Variants in PPP3CA observed in about 807,000 individuals in gnomAD.
The protein encoded by PPP3CA is CAM-PRP catalytic subunit.
A neutral mutation model predicts 66.5 loss-of-function variants in PPP3CA; 14 were observed. That is an observed-to-expected ratio of 0.21 (90% CI 0.14 to 0.33). PPP3CA has a LOEUF of 0.33. Ranked by LOEUF, PPP3CA falls within the 10% of genes least tolerant of loss-of-function variation. The pLI is 1.00. For synonymous variants in PPP3CA, 232 were observed against 226.2 expected (o/e 1.03, Z -0.23); for missense variants, 317 against 639.5 (o/e 0.50, Z 5.44).
At chr4:101,247,068 A>G (rs1182880873) in intron 1 of PPP3CA, among the ~76,000 whole-genome samples, 1 of 152,216 alleles carries the variant, frequency 6.6e-6, no homozygotes, top group Non-Finnish European at 1.5e-5. Flanking sequence ...AAACTCACTG[A>G]GTAGAAGAGT....
intron 1 of PPP3CA, among the ~76,000 whole-genome samples, chr4:101,210,835 C>G (rs914947320): frequency 1.3e-5 from 2 of 152,034 alleles, no homozygotes; most frequent in African/African-American, 4.8e-5. Context: ...AAGTTCTCTG[C>G]AAAGTTCAAA....
chr4:101,202,615 C>T (rs1437969422), intron 1 of PPP3CA, among the ~76,000 whole-genome samples: 1 of 152,214 alleles, frequency 6.6e-6, no homozygotes, highest in East Asian at 1.9e-4. Flanking sequence ...ACTTACGCTA[C>T]TCCTTCAGAC....
chr4:101,031,855 A>G (rs1726979160), intron 12 of PPP3CA, among the ~76,000 whole-genome samples: 2 of 152,218 alleles, frequency 1.3e-5, no homozygotes, highest in South Asian at 4.1e-4. Context: ...ACATACAGGT[A>G]TATTTTAGTG....
At chr4:101,239,520 G>C (rs899586173) in intron 1 of PPP3CA, among the ~76,000 whole-genome samples, 1 of 152,018 alleles carries the variant, frequency 6.6e-6, no homozygotes, top group African/African-American at 2.4e-5. Context: ...AGGAAATTTA[G>C]TTATCACAAT....
chr4:101,062,879 G>A (rs1255327676), intron 9 of PPP3CA, among the ~76,000 whole-genome samples: 3 of 151,972 alleles, frequency 2.0e-5, no homozygotes, highest in Admixed American at 6.6e-5. Context: ...AAATTAAATA[G>A]TCCTTTGGGA....
chr4:101,113,855 T>C (rs1359352074), intron 2 of PPP3CA, among the ~76,000 whole-genome samples: 2 of 152,134 alleles, frequency 1.3e-5, no homozygotes, highest in Non-Finnish European at 2.9e-5. Flanking sequence ...AATATGCCAA[T>C]GCCAACTGAT....
intron 6 of PPP3CA, among the ~76,000 whole-genome samples, chr4:101,091,992 G>A (rs935014035): frequency 6.6e-6 from 1 of 151,882 alleles, no homozygotes; most frequent in South Asian, 2.1e-4. Context: ...TAAGCTGTAT[G>A]TATAATGATA....
chr4:101,052,605 T>TA (rs910280146), intron 10 of PPP3CA, among the ~76,000 whole-genome samples: 25 of 149,570 alleles, frequency 1.7e-4, no homozygotes, highest in East Asian at 7.8e-4. Context: ...GGGAAAACAA[T>TA]AAAAAAAAAG....
At chr4:101,079,107 G>A (rs1729314531) in intron 8 of PPP3CA, among the ~76,000 whole-genome samples, 1 of 152,168 alleles carries the variant, frequency 6.6e-6, no homozygotes, top group African/African-American at 2.4e-5. Context: ...TCTGGGCTAT[G>A]GGAAAGTGGA....
intron 1 of PPP3CA, among the ~76,000 whole-genome samples, chr4:101,300,033 C>T (rs1728327096): frequency 6.6e-6 from 1 of 152,178 alleles, no homozygotes; most frequent in Admixed American, 6.5e-5. Context: ...ATAGCCTCTG[C>T]TTCCCAGAAA....
intron 2 of PPP3CA, among the ~76,000 whole-genome samples, chr4:101,169,423 C>A (rs1723798233): frequency 6.6e-6 from 1 of 152,142 alleles, no homozygotes; most frequent in Non-Finnish European, 1.5e-5. Context: ...GCGCTATTTA[C>A]CAGGCTACCA....
At chr4:101,309,123 C>A (rs1043425355) in intron 1 of PPP3CA, among the ~76,000 whole-genome samples, 31 of 152,098 alleles carry the variant, frequency 2.0e-4, no homozygotes, top group African/African-American at 7.5e-4. Context: ...CAGACCCTGT[C>A]TCAAAAACAA....
intron 2 of PPP3CA, among the ~76,000 whole-genome samples, chr4:101,144,613 T>C (rs1312454106): frequency 6.6e-6 from 1 of 152,198 alleles, no homozygotes; most frequent in Non-Finnish European, 1.5e-5. Context: ...ATTTTTATAA[T>C]AGACTGATTT....
chr4:101,233,640 C>CA lies in PPP3CA; in HGVS notation c.59-37525dup, dbSNP rs1402550459. Reference sequence around the variant, plus strand: ...CCTCTATGTGTGATACTGAAAGTCACAAAAAAAGATAAAATGAAATAAAAA... The same window carrying CA: ...CCTCTATGTGTGATACTGAAAGTCACAAAAAAAAGATAAAATGAAATAAAAA... On this transcript the variant is annotated intron_variant, in intron 1 of 13. Transcript: ENST00000394854. 4.0e-5 allele frequency among the ~76,000 whole-genome samples: 6 copies of CA among 149,110 alleles called. 1 individual carries two copies. Among genetic ancestry groups the CA allele is most frequent in the African/African-American group, 1.5e-4 (6 of 40,660 alleles).
chr4:101,114,056 T>C (rs1259207479), intron 2 of PPP3CA, among the ~76,000 whole-genome samples: 2 of 152,130 alleles, frequency 1.3e-5, no homozygotes, highest in African/African-American at 4.8e-5. Context: ...TTGCTTCCTA[T>C]TCCTAATTAG....
At chr4:101,125,115 G>T (rs1042411725) in intron 2 of PPP3CA, among the ~76,000 whole-genome samples, 2 of 152,096 alleles carry the variant, frequency 1.3e-5, no homozygotes, top group Non-Finnish European at 2.9e-5. Flanking sequence ...AGGCAGGGGG[G>T]GTATAAGATA....
intron 1 of PPP3CA, among the ~76,000 whole-genome samples, chr4:101,322,063 T>C (rs1729057030): frequency 6.6e-6 from 1 of 152,206 alleles, no homozygotes; most frequent in African/African-American, 2.4e-5. Context: ...TGAACATATT[T>C]AGGCTTTCTG....
At chr4:101,330,543 G>T in intron 1 of PPP3CA, 1 of 449,860 alleles carries the variant, frequency 2.2e-6, no homozygotes, top group Non-Finnish European at 4.5e-6. Flanking sequence ...TAATGCTATT[G>T]CACACTTAAC....
In PPP3CA at chr4:101,026,344, A is replaced by C. The variant is rs114802952; in HGVS notation, c.1370-283T>G. 6.4e-3 allele frequency among the ~76,000 whole-genome samples: 971 copies of C among 152,314 alleles called. 13 individuals are homozygous for C. Among genetic ancestry groups the C allele is most frequent in the African/African-American group, 0.022 (900 of 41,558 alleles). The stretch of plus-strand genomic sequence containing the variant: ...CTTCATGAAAGTTTAGCTCAAAGAA[A>C]TCCAAAGTGGACACATAAAGAGGAA... On this transcript the variant is annotated intron_variant, in intron 13 of 13. Transcript: ENST00000394854.
Sources: gnomAD v4.1 joint callset for allele counts (sites outside exome capture counted in the v4.1 genomes callset) on GRCh38, gnomAD v4.1.1 for gene constraint, MANE v1.5 for transcripts, NCBI Gene and HGNC (gene_info 2026-07-23, HGNC 2026-07-21) for gene names.